Variants in TNRC6A observed in about 807,000 individuals in gnomAD.
The protein encoded by TNRC6A is trinucleotide repeat containing adaptor 6A.
Under a neutral mutation model 221.2 loss-of-function variants are expected in TNRC6A, and 44 were observed. The ratio of observed to expected loss-of-function variants is 0.20; its 90% confidence interval spans 0.16 to 0.26. The LOEUF is 0.26. Ranked by LOEUF, TNRC6A falls within the 10% of genes least tolerant of loss-of-function variation. The pLI is 1.00. For missense variants in TNRC6A, 2,199 were observed against 2,404.4 expected (o/e 0.91, Z 1.79); for synonymous variants, 847 against 838.5 (o/e 1.01, Z -0.18).
intron 13 of TNRC6A, 68 bp downstream of exon 13, chr16:24,804,919 A>G: frequency 2.5e-6 from 4 of 1,613,748 alleles, no homozygotes; most frequent in Non-Finnish European, 1.7e-6. Flanking sequence ...TCTCTCTTAC[A>G]TGTAGTTACT....
At chr16:24,817,683 T>C (rs2058682433) in intron 20 of TNRC6A, among the ~76,000 whole-genome samples, 1 of 152,214 alleles carries the variant, frequency 6.6e-6, no homozygotes, top group African/African-American at 2.4e-5. Context: ...ATTTTCTGTC[T>C]TTTTAAAATA....
rs772023361 is a variant in TNRC6A at position 24,822,933 on chromosome 16, C to T, written c.5433C>T (p.His1811=). Residue 1811 remains histidine (H), a synonymous_variant, in exon 24 of 25, where the codon CAC becomes CAT. Coordinates refer to ENST00000395799, the MANE Select transcript of TNRC6A (RefSeq NM_014494.4). ...AGCACGGCCCGCTGATCACATTCCA[C>T]CTGAACCTCCCTCACGGAAATGCTC... is the stretch of plus-strand genomic sequence containing the variant. ...CMQHGPLITF[H]LNLPHGNALV... The T allele has an allele frequency of 1.1e-5, 18 of 1,614,124 alleles. No individual in the cohort carries two copies. The highest frequency in any genetic ancestry group is 3.3e-4 in the Middle Eastern group (2 of 6,078).
At chr16:24,764,077 C>G (rs1471449523) in intron 4 of TNRC6A, among the ~76,000 whole-genome samples, 2 of 151,960 alleles carry the variant, frequency 1.3e-5, no homozygotes, top group African/African-American at 4.8e-5. Context: ...ATACGTGCAA[C>G]TTTGTACCCT....
chr16:24,648,545 C>T (rs921456058), intron 2 of TNRC6A, among the ~76,000 whole-genome samples: 1 of 152,136 alleles, frequency 6.6e-6, no homozygotes, highest in African/African-American at 2.4e-5. Flanking sequence ...GCTGGGATTA[C>T]AGGCGTGAGC....
intron 2 of TNRC6A, among the ~76,000 whole-genome samples, chr16:24,720,231 C>A (rs1419908255): frequency 9.2e-5 from 14 of 152,198 alleles, no homozygotes; most frequent in Admixed American, 3.3e-4. Context: ...AAGGCCCTGT[C>A]TACAAATAAT....
At position 24,806,621 on chromosome 16, in the gene TNRC6A, A is replaced by G. The variant is rs747629441; in HGVS notation, c.4377A>G (p.Gln1459=). 5 of 1,614,196 alleles carry G rather than the reference A, an allele frequency of 3.1e-6. No individual in the cohort carries two copies. The South Asian group carries it at 5.5e-5, about 18-fold the overall frequency. The change falls in exon 17 of 25, where the codon CAA becomes CAG. Residue 1459 remains glutamine, a synonymous_variant. Transcript: ENST00000395799. ...AGCAAATGATGCAACAATCTCGTCA[A>G]CTTGATCCAAACCTGTTGGTGAAGC... is the stretch of plus-strand genomic sequence containing the variant. The part of the protein sequence containing the change: ...VQQQMMQQSR[Q]LDPNLLVKQQ...
intron 2 of TNRC6A, among the ~76,000 whole-genome samples, chr16:24,684,235 C>CA (rs1330651636): frequency 6.6e-6 from 1 of 151,398 alleles, no homozygotes; most frequent in Non-Finnish European, 1.5e-5. Context: ...CTCAACTCTA[C>CA]AAAAAAATAA....
At chr16:24,611,376 T>C (rs550667629) in intron 1 of TNRC6A, among the ~76,000 whole-genome samples, 3 of 152,192 alleles carry the variant, frequency 2.0e-5, no homozygotes, top group African/African-American at 4.8e-5. Context: ...TTAAAGGAGA[T>C]GGATACATTG....
chr16:24,729,684 T>TCGGCGGCGGCGGCGGCGGTGTCGGCGG lies in TNRC6A; in HGVS notation c.-140_-139insTGTCGGCGGCGGCGGCGGCGGCGGCGG, dbSNP rs1555495627. 1.7e-6 allele frequency: 1 copy of TCGGCGGCGGCGGCGGCGGTGTCGGCGG among 603,100 alleles called. No homozygotes were observed. The highest frequency in any genetic ancestry group is 2.1e-5 in the African/African-American group (1 of 48,098). The allele number at this position is 603,100 out of a possible 1,614,324, so 37.4% of individuals were successfully genotyped here. On this transcript the variant is annotated 5_prime_UTR_variant, in exon 1 of 25. Transcript: ENST00000395799. ...TCTGGGGCCTGCGGCGGCGGCGGTG[T>TCGGCGGCGGCGGCGGCGGTGTCGGCGG]CGGCGGCGGCGGCGGCGGCGGCGGC...
intron 2 of TNRC6A, among the ~76,000 whole-genome samples, chr16:24,713,946 A>T (rs1333240771): frequency 6.6e-6 from 1 of 152,104 alleles, no homozygotes; most frequent in Non-Finnish European, 1.5e-5. Context: ...GCACTTGGCC[A>T]TTAATCATTG....
chr16:24,768,085 C>G (rs1265403424), intron 4 of TNRC6A, among the ~76,000 whole-genome samples: 4 of 152,094 alleles, frequency 2.6e-5, no homozygotes, highest in Non-Finnish European at 5.9e-5. Context: ...CCATTCTGTA[C>G]TTTTATGTTA....
chr16:24,737,418 T>G (rs183159140), intron 2 of TNRC6A, among the ~76,000 whole-genome samples: 1 of 152,374 alleles, frequency 6.6e-6, no homozygotes, highest in East Asian at 1.9e-4. Context: ...TAAGATGTCT[T>G]ATTTTAAAAA....
At position 24,795,934 on chromosome 16, in the gene TNRC6A, GA is replaced by G; in HGVS notation, c.3559del (p.Arg1187GlyfsTer3). 1.2e-6 allele frequency: 2 copies of G among 1,611,484 alleles called. No individual in the cohort carries two copies. Among genetic ancestry groups the G allele is most frequent in the Non-Finnish European group, 1.7e-6 (2 of 1,178,106 alleles). ...KGLSGKKRRR[E>X]RGMMKGGNKQ... ...TCTGAGTGGCAAAAAAAGGAGAAGG[GA>G]AAGGGTGTGTAGCCTTTTTACTCTT... is the stretch of plus-strand genomic sequence containing the variant. On this transcript the variant is annotated frameshift_variant, in exon 9 of 25. Transcript: ENST00000395799. LOFTEE classifies it high-confidence loss of function.
intron 1 of TNRC6A, among the ~76,000 whole-genome samples, chr16:24,625,693 T>C (rs1900934048): frequency 7.5e-6 from 1 of 133,352 alleles, no homozygotes; most frequent in Admixed American, 8.5e-5. Flanking sequence ...GCCACTGCAG[T>C]CCGCAGTCCG....
intron 1 of TNRC6A, among the ~76,000 whole-genome samples, chr16:24,624,260 C>T (rs554863117): frequency 2.6e-5 from 4 of 152,212 alleles, no homozygotes; most frequent in Admixed American, 6.5e-5. Context: ...CTGCTCTCGT[C>T]ACATTTGCTG....
rs776483806 is a variant in TNRC6A, at chr16:24,809,504, A to C, written c.4672+23A>C. On this transcript the variant is annotated intron_variant, in intron 18 of 24. Transcript: ENST00000395799. ...ATGGTACAAAAGATACATCTTACCA[A>C]AAAAAAAAAAAAAACACACACACCT... is the stretch of plus-strand genomic sequence containing the variant. 8.2e-5 allele frequency: 35 copies of C among 425,876 alleles called. No individual in the cohort carries two copies. The African/African-American group carries it at 4.2e-3, about 51-fold the overall frequency. 26.4% of individuals were successfully genotyped at this position (425,876 alleles called of 1,614,324 possible). A position where few individuals can be genotyped will look rare whatever the true frequency, so the allele number is the denominator to read the frequency against.
intron 2 of TNRC6A, among the ~76,000 whole-genome samples, chr16:24,744,752 C>T (rs996735191): frequency 4.6e-5 from 7 of 152,172 alleles, no homozygotes; most frequent in African/African-American, 1.4e-4. Flanking sequence ...GCATTGCTGC[C>T]ACTCTGTCTG....
At chr16:24,713,879 C>G (rs931813174) in intron 2 of TNRC6A, among the ~76,000 whole-genome samples, 3 of 152,164 alleles carry the variant, frequency 2.0e-5, no homozygotes, top group African/African-American at 7.2e-5. Flanking sequence ...TGCCTGACCT[C>G]AGGTGATCCA....
At chr16:24,814,409 C>T (rs201611132) in intron 18 of TNRC6A, among the ~76,000 whole-genome samples, 69 of 116,672 alleles carry the variant, frequency 5.9e-4, no homozygotes, top group Non-Finnish European at 6.8e-4. Context: ...TTTTTTTTTT[C>T]TTTTTTTTTT....
Sources: gnomAD v4.1 joint callset for allele counts (sites outside exome capture counted in the v4.1 genomes callset) on GRCh38, gnomAD v4.1.1 for gene constraint, MANE v1.5 for transcripts, NCBI Gene and HGNC (gene_info 2026-07-23, HGNC 2026-07-21) for gene names.